Variants in CNTNAP5 observed in about 807,000 individuals in gnomAD.
CNTNAP5 encodes contactin associated protein family member 5.
In CNTNAP5, 72 loss-of-function variants were observed where a neutral mutation model predicts 150.2. The observed-to-expected ratio is 0.48, with a 90% confidence interval of 0.40 to 0.58. The LOEUF (loss-of-function observed/expected upper bound fraction) is 0.58, where lower values mean the gene tolerates loss of function less well. CNTNAP5 is among the 20% of genes least tolerant of loss of function. The pLI, the probability that CNTNAP5 is intolerant of heterozygous loss-of-function variation, is 0.00. For missense variants in CNTNAP5, 1,636 were observed against 1,626.2 expected (o/e 1.01, Z -0.10); for synonymous variants, 672 against 619.8 (o/e 1.08, Z -1.25).
chr2:124,598,650 C>T (rs1228831691), intron 11 of CNTNAP5, among the ~76,000 whole-genome samples: 4 of 150,810 alleles, frequency 2.7e-5, no homozygotes, highest in African/African-American at 9.7e-5. Flanking sequence ...GGCAGGCCTC[C>T]TTGAGCTGTG....
Position 124,060,599 on chromosome 2 carries a change from T to C in CNTNAP5, c.82+34867T>C, listed in dbSNP as rs1681983364. On this transcript the variant is annotated intron_variant, in intron 1 of 23. Transcript: ENST00000682447. ...AGGTGGAGAAGGGCCTGCCAGTGGG[T>C]ATACAAAGAGCAAGAAATCTGACAT... Among the ~76,000 whole-genome samples, 3 of 152,182 alleles carry C rather than the reference T, an allele frequency of 2.0e-5. No individual in the cohort carries two copies. The East Asian group carries it at 5.8e-4, about 29-fold the overall frequency.
rs566477126 is a variant in CNTNAP5 at position 124,882,368 on chromosome 2, C to T, written c.3436+12606C>T. On this transcript the variant is annotated intron_variant, in intron 21 of 23. Transcript: ENST00000682447. Reference sequence around the variant, plus strand: ...GAGGGGGGTGTGGGATTGTTTATTCCCTTAAATATTCAGTGCCCTGGGTGG... The same window carrying T: ...GAGGGGGGTGTGGGATTGTTTATTCTCTTAAATATTCAGTGCCCTGGGTGG... Among the ~76,000 whole-genome samples the T allele has an allele frequency of 7.9e-5, 12 of 152,140 alleles. No individual in the cohort carries two copies. The East Asian group carries it at 2.3e-3, about 30-fold the overall frequency.
At chr2:124,199,441 G>A (rs1573829737) in intron 1 of CNTNAP5, among the ~76,000 whole-genome samples, 1 of 120,738 alleles carries the variant, frequency 8.3e-6, no homozygotes, top group East Asian at 2.4e-4. Context: ...TTGAGACGGA[G>A]TTTCACTCTT....
intron 4 of CNTNAP5, among the ~76,000 whole-genome samples, chr2:124,420,343 A>T (rs1692070620): frequency 6.6e-6 from 1 of 152,002 alleles, no homozygotes; most frequent in Non-Finnish European, 1.5e-5. Context: ...CACCAAACAA[A>T]ACAGCAAAAG....
chr2:124,647,683 C>A, intron 12 of CNTNAP5, 75 bp from the exon 13 acceptor site: 1 of 1,356,798 alleles, frequency 7.4e-7, no homozygotes, highest in Non-Finnish European at 1.0e-6. Flanking sequence ...CTGAGTGGCC[C>A]ATCACACTGC....
At chr2:124,204,989 T>A (rs1685827168) in intron 1 of CNTNAP5, among the ~76,000 whole-genome samples, 1 of 152,156 alleles carries the variant, frequency 6.6e-6, no homozygotes. Flanking sequence ...AAGGGCCTAG[T>A]GATATGTCCA....
At chr2:124,738,181 T>G (rs879451988) in intron 13 of CNTNAP5, among the ~76,000 whole-genome samples, 8 of 152,198 alleles carry the variant, frequency 5.3e-5, no homozygotes, top group Middle Eastern at 3.2e-3. Context: ...TCTCTGAGGC[T>G]TAACACAATA....
chr2:124,833,142 T>G (rs1355613940), intron 19 of CNTNAP5, among the ~76,000 whole-genome samples: 1 of 152,116 alleles, frequency 6.6e-6, no homozygotes, highest in African/African-American at 2.4e-5. Flanking sequence ...ACTCCTGAGC[T>G]CAAGAGATCT....
chr2:124,026,171 C>A (rs1044178344), intron 1 of CNTNAP5, among the ~76,000 whole-genome samples: 4 of 152,158 alleles, frequency 2.6e-5, no homozygotes, highest in African/African-American at 9.7e-5. Context: ...TGCAGTATAC[C>A]AAGCACCCCA....
chr2:124,103,974 CATA>C (rs558355527), intron 1 of CNTNAP5, among the ~76,000 whole-genome samples: 129 of 146,422 alleles, frequency 8.8e-4, no homozygotes, highest in African/African-American at 2.3e-3. Flanking sequence ...TATAGTTAAT[CATA>C]ATAATATATG....
intron 1 of CNTNAP5, among the ~76,000 whole-genome samples, chr2:124,184,831 A>T (rs982465762): frequency 6.6e-6 from 1 of 152,130 alleles, no homozygotes; most frequent in Admixed American, 6.5e-5. Context: ...CTAAGATGGA[A>T]CCATACTTTA....
chr2:124,582,259 A>G (rs912799157), intron 11 of CNTNAP5, among the ~76,000 whole-genome samples: 11 of 152,122 alleles, frequency 7.2e-5, no homozygotes, highest in African/African-American at 1.2e-4. Flanking sequence ...GCAGGCACAA[A>G]GCAGCCTCAT....
intron 3 of CNTNAP5, among the ~76,000 whole-genome samples, chr2:124,303,050 T>C (rs1420886361): frequency 6.6e-6 from 1 of 152,212 alleles, no homozygotes; most frequent in Non-Finnish European, 1.5e-5. Flanking sequence ...CTTTCTTAGC[T>C]GATCTAGCTT....
At chr2:124,512,892 A>C (rs1558934615) in intron 8 of CNTNAP5, among the ~76,000 whole-genome samples, 1 of 152,204 alleles carries the variant, frequency 6.6e-6, no homozygotes, top group Non-Finnish European at 1.5e-5. Flanking sequence ...TTGAGCATTG[A>C]CTACATTTAC....
At chr2:124,835,529 G>A (rs1256150333) in intron 19 of CNTNAP5, among the ~76,000 whole-genome samples, 3 of 152,092 alleles carry the variant, frequency 2.0e-5, no homozygotes, top group African/African-American at 2.4e-5. Context: ...CCAGAGTGGC[G>A]ACATCCAGGT....
chr2:124,527,632 A>G (rs1415363410), intron 10 of CNTNAP5, among the ~76,000 whole-genome samples, 176 bp downstream of exon 10: 7 of 152,210 alleles, frequency 4.6e-5, no homozygotes, highest in Non-Finnish European at 1.0e-4. Context: ...AAAATGGTTT[A>G]AATTAGTTGA....
chr2:124,916,726 A>G lies in CNTNAP5; in HGVS notation c.*2438A>G, dbSNP rs777455383. 2.0e-5 allele frequency among the ~76,000 whole-genome samples: 3 copies of G among 152,088 alleles called. No individual in the cohort carries two copies. Among genetic ancestry groups the G allele is most frequent in the Non-Finnish European group, 4.4e-5 (3 of 67,982 alleles). Reference sequence around the variant, plus strand: ...GCTCTATCCTGACCACAATGGCACTACAAAATCAACTGGCATCTTCCTCAC... The same window carrying G: ...GCTCTATCCTGACCACAATGGCACTGCAAAATCAACTGGCATCTTCCTCAC... On this transcript the variant is annotated 3_prime_UTR_variant, in exon 24 of 24. Transcript: ENST00000682447.
At chr2:124,877,424 G>A (rs960086841) in intron 21 of CNTNAP5, among the ~76,000 whole-genome samples, 2 of 152,056 alleles carry the variant, frequency 1.3e-5, no homozygotes, top group Admixed American at 1.3e-4. Flanking sequence ...CTTCTAAGAG[G>A]GGTGGCCTTC....
At chr2:124,641,958 G>T (rs1388027624) in intron 12 of CNTNAP5, among the ~76,000 whole-genome samples, 1 of 152,120 alleles carries the variant, frequency 6.6e-6, no homozygotes, top group Non-Finnish European at 1.5e-5. Flanking sequence ...GTAACAGATG[G>T]AATTGCTTAC....
Sources: gnomAD v4.1 joint callset for allele counts (sites outside exome capture counted in the v4.1 genomes callset) on GRCh38, gnomAD v4.1.1 for gene constraint, MANE v1.5 for transcripts, NCBI Gene and HGNC (gene_info 2026-07-23, HGNC 2026-07-21) for gene names.